The following PXK variants were observed in gnomAD, a reference collection of about 807,000 sequenced individuals.
PXK encodes PX domain containing serine/threonine kinase like, also known as PX domain-containing protein kinase-like protein.
Under a neutral mutation model 84.7 loss-of-function variants are expected in PXK, and 35 were observed. The ratio of observed to expected loss-of-function variants is 0.41; its 90% CI spans 0.32 to 0.55. The LOEUF (loss-of-function observed/expected upper bound fraction) is 0.55, where lower values mean the gene tolerates loss of function less well. PXK is among the 20% of genes least tolerant of loss of function. The pLI is 0.21. For synonymous variants in PXK, 253 were observed against 260.8 expected (o/e 0.97, Z 0.29); for missense variants, 634 against 699.7 (o/e 0.91, Z 1.06).
In PXK at chr3:58,425,143, GGCTGGCATT is replaced by G. The variant is rs2062657611; in HGVS notation, c.*187_*195del. On this transcript the variant is annotated 3_prime_UTR_variant, in exon 18 of 18. Transcript: ENST00000356151. ...TAATTCTTTAAGCAGAATAAAGTTA[GGCTGGCATT>G]GCTCCCTTAAGATCTTGCTCCTTTA... is the stretch of plus-strand genomic sequence containing the variant. 5 of 915,102 alleles carry G rather than the reference GGCTGGCATT, an allele frequency of 5.5e-6. No homozygotes were observed. In the African/African-American group the frequency reaches 8.4e-5, roughly 15 times the overall value. 56.7% of individuals were successfully genotyped at this position (915,102 alleles called of 1,614,324 possible). A position where few individuals can be genotyped will look rare whatever the true frequency, so the allele number is the denominator to read the frequency against.
intron 1 of PXK, among the ~76,000 whole-genome samples, chr3:58,334,949 GTGTGTGTGTC>G (rs1343394317): frequency 1.9e-4 from 25 of 130,380 alleles, no homozygotes; most frequent in Non-Finnish European, 3.2e-4. Flanking sequence ...GTGTGTGTGT[GTGTGTGTGTC>G]TGTGTGTGTG....
intron 1 of PXK, among the ~76,000 whole-genome samples, chr3:58,336,069 ATAT>A (rs1164704772): frequency 4.3e-3 from 246 of 56,584 alleles, no homozygotes; most frequent in African/African-American, 7.8e-3. Flanking sequence ...ATATATATAT[ATAT>A]TTTTTTTTTT....
intron 1 of PXK, among the ~76,000 whole-genome samples, chr3:58,336,661 C>CT (rs1439580837): frequency 1.3e-5 from 2 of 152,056 alleles, no homozygotes; most frequent in Non-Finnish European, 1.5e-5. Context: ...AAAGGGAAAA[C>CT]TTTTTAAAGT....
chr3:58,399,361 C>T lies in PXK; in HGVS notation c.1165C>T (p.Arg389Trp), dbSNP rs200720018. ...TAAAAATGGCATGCCTACCATCTCCCGGCTCTTACAGATGCCGTAAGTCAA... is the reference window on the plus strand; with the variant it reads ...TAAAAATGGCATGCCTACCATCTCCTGGCTCTTACAGATGCCGTAAGTCAA... The part of the protein sequence containing the change: ...ACKNGMPTIS[R>W]LLQMPLFSDV... The change falls in exon 12 of 18, where the codon CGG becomes TGG. Residue 389 changes from arginine (R) to tryptophan (W), a missense_variant. Transcript: ENST00000356151. This position sits in a 1 kb window ranked among gnomAD's most constrained non-coding sequence, Gnocchi z 4.3. 13 of 1,613,702 alleles carry T rather than the reference C, an allele frequency of 8.1e-6. No individual in the cohort carries two copies. Among genetic ancestry groups the T allele is most frequent in the East Asian group, 2.2e-5 (1 of 44,880 alleles).
At chr3:58,413,146 G>A in intron 17 of PXK, 183 bp downstream of exon 17, 1 of 673,638 alleles carries the variant, frequency 1.5e-6, no homozygotes, top group African/African-American at 1.8e-5. Context: ...AGATTTCCAA[G>A]CTCGGCTTTC....
At chr3:58,410,807 G>C (rs1241687492) in intron 16 of PXK, among the ~76,000 whole-genome samples, 2 of 152,228 alleles carry the variant, frequency 1.3e-5, no homozygotes, top group Non-Finnish European at 2.9e-5. Flanking sequence ...GAGAAGGGAA[G>C]GTTTCACCCT....
At chr3:58,355,114 ACT>A (rs2098042433) in intron 1 of PXK, among the ~76,000 whole-genome samples, 1 of 143,272 alleles carries the variant, frequency 7.0e-6, no homozygotes, top group African/African-American at 2.7e-5. Context: ...ACAAAGTGAG[ACT>A]CTGTCTCAAA....
In PXK at chr3:58,401,483, G is replaced by A. The variant is rs6445979; in HGVS notation, c.1181+2106G>A. ...ACAACAACAACAAAATTAGCTAGGCGTGGTGGTGTGCACCAAGTAATAATC... is the reference window on the plus strand; with the variant it reads ...ACAACAACAACAAAATTAGCTAGGCATGGTGGTGTGCACCAAGTAATAATC... On this transcript the variant is annotated intron_variant, in intron 12 of 17. Coordinates refer to ENST00000356151, the MANE Select transcript of PXK (RefSeq NM_017771.5). The surrounding 1 kb of genome is among the most constrained non-coding windows in gnomAD (Gnocchi z 4.4). Among the ~76,000 whole-genome samples, 19,741 of 152,076 alleles carry A rather than the reference G, an allele frequency of 0.13. 1,964 individuals carry two copies. Among genetic ancestry groups the A allele is most frequent in the African/African-American group, 0.27 (11,219 of 41,434 alleles).
intron 17 of PXK, among the ~76,000 whole-genome samples, chr3:58,420,275 A>C (rs1246678155): frequency 1.3e-5 from 2 of 152,236 alleles, no homozygotes; most frequent in African/African-American, 4.8e-5. Context: ...AAAGAACATG[A>C]AGAAAGTGAC....
chr3:58,388,561 A>G (rs2098589297), intron 4 of PXK, among the ~76,000 whole-genome samples: 1 of 152,234 alleles, frequency 6.6e-6, no homozygotes, highest in African/African-American at 2.4e-5. Context: ...CAGTGTTGAT[A>G]ATGAAAGTCT....
In PXK at chr3:58,401,676, C is replaced by T. The variant is rs1046741640; in HGVS notation, c.1182-2186C>T. ...GCGTGGTGGCTCATGCCTGTAATCC[C>T]AGCACTTTAGGAGGCCAAGGCAGGT... On this transcript the variant is annotated intron_variant, in intron 12 of 17. Coordinates refer to ENST00000356151, the MANE Select transcript of PXK (RefSeq NM_017771.5). The surrounding 1 kb of genome is among the most constrained non-coding windows in gnomAD (Gnocchi z 4.4). 1.3e-5 allele frequency among the ~76,000 whole-genome samples: 2 copies of T among 151,574 alleles called. No individual in the cohort carries two copies. Among genetic ancestry groups the T allele is most frequent in the Non-Finnish European group, 2.9e-5 (2 of 67,928 alleles).
intron 1 of PXK, among the ~76,000 whole-genome samples, chr3:58,337,035 C>T (rs984835468): frequency 1.1e-4 from 16 of 152,158 alleles, no homozygotes; most frequent in Non-Finnish European, 2.2e-4. Context: ...GTCTTGAACA[C>T]CTGACCTCAG....
In PXK at chr3:58,421,474, G is replaced by A. The variant is rs544240299; in HGVS notation, c.1529-3278G>A. ...CACGCGCCTGTAATCCCAGCTACTC[G>A]GGAGGCTGAGGCAGAGAATCACTTG... On this transcript the variant is annotated intron_variant, in intron 17 of 17. Transcript: ENST00000356151. The surrounding 1 kb of genome is among the most constrained non-coding windows in gnomAD (Gnocchi z 5.5). 3.0e-5 allele frequency: 24 copies of A among 799,716 alleles called. No individual in the cohort carries two copies. In the South Asian group the frequency reaches 9.7e-4, roughly 32 times the overall value. The allele number at this position is 799,716 out of a possible 1,614,324, so 49.5% of individuals were successfully genotyped here.
chr3:58,385,066 G>A lies in PXK; in HGVS notation c.388+2366G>A, dbSNP rs1474268989. Among the ~76,000 whole-genome samples, 5 of 152,060 alleles carry A rather than the reference G, an allele frequency of 3.3e-5. No homozygotes were observed. In the East Asian group the frequency reaches 9.6e-4, roughly 29 times the overall value. The stretch of plus-strand genomic sequence containing the variant: ...AAGGTTGTCTATTCTGACAGTTGTT[G>A]GTTCTCTGCTTTTTTCTGTACCTGC... On this transcript the variant is annotated intron_variant, in intron 4 of 17. Coordinates refer to ENST00000356151, the MANE Select transcript of PXK (RefSeq NM_017771.5). The surrounding 1 kb of genome is among the most constrained non-coding windows in gnomAD (Gnocchi z 5.1).
intron 3 of PXK, among the ~76,000 whole-genome samples, chr3:58,382,081 C>T (rs1357305831): frequency 1.3e-5 from 2 of 152,058 alleles, no homozygotes; most frequent in Non-Finnish European, 2.9e-5. Flanking sequence ...TTTGGGAGGC[C>T]GAAGCTGGTG....
At chr3:58,340,532 G>A (rs1422556832) in intron 1 of PXK, among the ~76,000 whole-genome samples, 1 of 151,778 alleles carries the variant, frequency 6.6e-6, no homozygotes, top group African/African-American at 2.4e-5. Flanking sequence ...TTTGTGACCA[G>A]CCTGACCAAC....
intron 3 of PXK, 108 bp downstream of exon 3, chr3:58,369,586 G>A (rs1196899970): frequency 2.4e-6 from 2 of 826,936 alleles, no homozygotes; most frequent in East Asian, 5.1e-5. Context: ...AGCACTTGGG[G>A]AGGCCAATGC....
chr3:58,424,615 T>C (rs1428799159), intron 17 of PXK, 137 bp from the exon 18 acceptor site: 4 of 1,203,382 alleles, frequency 3.3e-6, no homozygotes, highest in Non-Finnish European at 3.4e-6. Context: ...TAAGAACTCA[T>C]ACAGTACTAG....
intron 1 of PXK, among the ~76,000 whole-genome samples, chr3:58,337,850 C>T (rs374942902): frequency 7.9e-5 from 12 of 152,040 alleles, no homozygotes; most frequent in East Asian, 1.9e-4. Context: ...ATCAGTGACC[C>T]GACCCTTTTT....
Sources: allele counts gnomAD v4.1 joint callset (sites outside exome capture counted in the v4.1 genomes callset), GRCh38; gene constraint gnomAD v4.1.1; non-coding constraint Gnocchi (gnomAD v3.1); transcripts MANE v1.5; gene names NCBI Gene and HGNC (gene_info 2026-07-23, HGNC 2026-07-21).